Variants in UST observed in about 807,000 individuals in gnomAD.
UST encodes chondroitin sulfate 2-O-sulfotransferase.
Under a neutral mutation model 45.6 loss-of-function variants are expected in UST, and 21 were observed. The observed-to-expected ratio is 0.46, with a 90% CI of 0.33 to 0.66. The LOEUF (loss-of-function observed/expected upper bound fraction) is 0.66. Among genes scored for constraint, UST ranks in the 30% least tolerant of loss-of-function variants. UST has a pLI of 0.02. For missense variants in UST, 463 were observed against 512.4 expected (o/e 0.90, Z 0.93); for synonymous variants, 215 against 200.6 (o/e 1.07, Z -0.61).
At position 148,934,356 on chromosome 6, in the gene UST, A is replaced by G. The variant is rs933655114; in HGVS notation, c.292-6923A>G. On this transcript the variant is annotated intron_variant, in intron 2 of 7. Transcript: ENST00000367463. This position sits in a 1 kb window ranked among gnomAD's most constrained non-coding sequence, Gnocchi z 4.1. The stretch of plus-strand genomic sequence containing the variant: ...CATGAAATGGAGTTGCTGAAAAATC[A>G]TGAACTGCAGTTTTATTCGTCAAGC... Among the ~76,000 whole-genome samples the G allele has an allele frequency of 6.6e-6, 1 of 152,220 alleles. No individual in the cohort carries two copies. Among genetic ancestry groups the G allele is most frequent in the Non-Finnish European group, 1.5e-5 (1 of 68,034 alleles).
At chr6:148,806,486 A>G (rs1048155331) in intron 1 of UST, among the ~76,000 whole-genome samples, 1 of 135,688 alleles carries the variant, frequency 7.4e-6, no homozygotes, top group African/African-American at 2.6e-5. Context: ...CTACAGGCAC[A>G]CACCACTGGC....
chr6:148,777,432 CTT>C (rs1562254268), intron 1 of UST, among the ~76,000 whole-genome samples: 1 of 152,178 alleles, frequency 6.6e-6, no homozygotes. Flanking sequence ...TTTTAATTGA[CTT>C]TTATTGTATA....
At chr6:148,845,271 G>A (rs1777966330) in intron 1 of UST, among the ~76,000 whole-genome samples, 1 of 152,182 alleles carries the variant, frequency 6.6e-6, no homozygotes. Context: ...CAGTGTATAT[G>A]CGTTTCTGTT....
intron 3 of UST, among the ~76,000 whole-genome samples, chr6:148,946,193 G>T (rs951971180): frequency 3.9e-5 from 6 of 152,114 alleles, no homozygotes; most frequent in African/African-American, 1.2e-4. Context: ...GATCCCTAAG[G>T]CATGGTTAAT....
At chr6:148,810,227 A>C (rs897570089) in intron 1 of UST, among the ~76,000 whole-genome samples, 4 of 152,176 alleles carry the variant, frequency 2.6e-5, no homozygotes, top group African/African-American at 7.2e-5. Flanking sequence ...ACCAGTAGCC[A>C]TATATTTTTA....
intron 5 of UST, among the ~76,000 whole-genome samples, chr6:148,997,806 A>T (rs1273345368): frequency 6.6e-6 from 1 of 152,224 alleles, no homozygotes; most frequent in Non-Finnish European, 1.5e-5. Flanking sequence ...ATCTTGAGAA[A>T]CCGAAGTTCC....
At chr6:149,060,871 T>A (rs766055163) in intron 7 of UST, among the ~76,000 whole-genome samples, 2 of 152,338 alleles carry the variant, frequency 1.3e-5, no homozygotes, top group Non-Finnish European at 2.9e-5. Flanking sequence ...CTGGTGCCTG[T>A]CTTTTGTCCA....
intron 6 of UST, among the ~76,000 whole-genome samples, chr6:149,020,352 A>G (rs903711073): frequency 1.3e-5 from 2 of 152,090 alleles, no homozygotes; most frequent in African/African-American, 4.8e-5. Flanking sequence ...CCTGGTTAAC[A>G]TTTAGTGCTT....
chr6:148,990,315 T>A (rs1283164162), intron 5 of UST: 1 of 855,202 alleles, frequency 1.2e-6, no homozygotes, highest in East Asian at 1.2e-4. Flanking sequence ...ATAGAAGTAT[T>A]TGAAGACAAA....
intron 7 of UST, among the ~76,000 whole-genome samples, chr6:149,073,180 C>T (rs1286171356): frequency 6.6e-6 from 1 of 152,018 alleles, no homozygotes; most frequent in Non-Finnish European, 1.5e-5. Flanking sequence ...TGCAGTGGCT[C>T]GTGCCATAAT....
intron 2 of UST, 92 bp downstream of exon 2, chr6:148,887,121 C>G: frequency 1.0e-6 from 1 of 974,844 alleles, no homozygotes; most frequent in Non-Finnish European, 1.6e-6. Context: ...GGACACGAAT[C>G]ATTCACAAGA....
intron 4 of UST, among the ~76,000 whole-genome samples, chr6:148,959,429 C>G (rs2114950608): frequency 6.6e-6 from 1 of 152,348 alleles, no homozygotes; most frequent in Non-Finnish European, 1.5e-5. Context: ...AACACCGTCT[C>G]TGCCTCCTTA....
intron 1 of UST, among the ~76,000 whole-genome samples, chr6:148,851,339 G>A (rs759352862): frequency 6.6e-6 from 1 of 151,998 alleles, no homozygotes; most frequent in African/African-American, 2.4e-5. Context: ...AAAATGAAAT[G>A]TTACCAGTAT....
intron 1 of UST, among the ~76,000 whole-genome samples, chr6:148,820,578 C>A (rs921952646): frequency 4.0e-5 from 6 of 151,884 alleles, no homozygotes; most frequent in Admixed American, 2.6e-4. Flanking sequence ...AGGCCGGGCA[C>A]GGTGGCTCAT....
chr6:148,873,270 T>A (rs1778591894), intron 1 of UST, among the ~76,000 whole-genome samples: 1 of 152,084 alleles, frequency 6.6e-6, no homozygotes, highest in Non-Finnish European at 1.5e-5. Context: ...AAAGGACACG[T>A]CAGCTAGAAG....
At chr6:148,909,705 T>C (rs1015816248) in intron 2 of UST, among the ~76,000 whole-genome samples, 11 of 152,162 alleles carry the variant, frequency 7.2e-5, no homozygotes, top group Non-Finnish European at 1.6e-4. Flanking sequence ...ACTTAGAAAA[T>C]TGCCAGCTAG....
chr6:148,924,498 G>A lies in UST; in HGVS notation c.292-16781G>A, dbSNP rs543940167. 2.6e-5 allele frequency among the ~76,000 whole-genome samples: 4 copies of A among 152,340 alleles called. No individual in the cohort carries two copies. In the South Asian group the frequency reaches 8.3e-4, roughly 32 times the overall value. On this transcript the variant is annotated intron_variant, in intron 2 of 7. Transcript: ENST00000367463. ...GGGGAGTTGGGGAGAAGAGGACACT[G>A]AAGACGGTTTTGCCAGCCACACAGT...
At chr6:148,853,186 T>A (rs997002880) in intron 1 of UST, among the ~76,000 whole-genome samples, 1 of 152,168 alleles carries the variant, frequency 6.6e-6, no homozygotes, top group African/African-American at 2.4e-5. Flanking sequence ...GCTCCACTTA[T>A]AAGTGAGAAC....
intron 2 of UST, among the ~76,000 whole-genome samples, chr6:148,937,362 T>C (rs1012678119): frequency 1.9e-4 from 29 of 152,218 alleles, no homozygotes; most frequent in African/African-American, 7.0e-4. Flanking sequence ...TAGACCCAGC[T>C]GCAGAAATGA....
Sources: gnomAD v4.1 joint callset for allele counts (sites outside exome capture counted in the v4.1 genomes callset) on GRCh38, gnomAD v4.1.1 for gene constraint, Gnocchi (gnomAD v3.1) non-coding constraint, MANE v1.5 for transcripts, NCBI Gene and HGNC (gene_info 2026-07-23, HGNC 2026-07-21) for gene names.